Variants in MED13 observed in about 807,000 individuals in gnomAD.
The protein encoded by MED13 is mediator of RNA polymerase II transcription subunit 13.
In MED13, 23 loss-of-function variants were observed where a neutral mutation model predicts 225.2. The ratio of observed to expected loss-of-function variants is 0.10; its 90% CI spans 0.07 to 0.14. The LOEUF is 0.14. Ranked by LOEUF, MED13 falls within the 10% of genes least tolerant of loss-of-function variation. The pLI is 1.00. For synonymous variants in MED13, 942 were observed against 889.2 expected (o/e 1.06, Z -1.06); for missense variants, 2,197 against 2,594.5 (o/e 0.85, Z 3.33).
chr17:61,963,406 C>T (rs2080024309), intron 20 of MED13, among the ~76,000 whole-genome samples: 1 of 151,858 alleles, frequency 6.6e-6, no homozygotes, highest in East Asian at 1.9e-4. Context: ...CAGAAAGAAA[C>T]CACGTTTCCA....
intron 2 of MED13, among the ~76,000 whole-genome samples, chr17:62,059,451 C>T (rs2081020993): frequency 6.6e-6 from 1 of 152,184 alleles, no homozygotes; most frequent in Admixed American, 6.5e-5. Context: ...GTGTGCTGAA[C>T]CAAACAGAAG....
intron 8 of MED13, among the ~76,000 whole-genome samples, chr17:62,019,609 A>G (rs900486191): frequency 6.6e-6 from 1 of 152,360 alleles, no homozygotes; most frequent in Admixed American, 6.5e-5. Flanking sequence ...TAAGAGTAAG[A>G]AACTATTAAC....
intron 2 of MED13, among the ~76,000 whole-genome samples, chr17:62,057,735 T>C (rs940319414): frequency 6.6e-6 from 1 of 152,226 alleles, no homozygotes; most frequent in Non-Finnish European, 1.5e-5. Context: ...GATAAAATTC[T>C]GGTATAATAA....
chr17:61,964,992 A>G lies in MED13; in HGVS notation c.4844+14T>C, dbSNP rs142652268. On this transcript the variant is annotated intron_variant, in intron 20 of 29. Coordinates refer to ENST00000397786, the MANE Select transcript of MED13 (RefSeq NM_005121.3). ...TTTTTATATTTCTGCAAAAATCAGT[A>G]TTTTTAAAGGTACCTTTCAGACACA... The G allele has an allele frequency of 6.5e-4, 1,030 of 1,595,082 alleles. No individual in the cohort carries two copies. The highest frequency in any genetic ancestry group is 7.8e-4 in the Non-Finnish European group (910 of 1,172,288).
rs1429848118 is a variant in MED13, at chr17:62,058,334, C to T, written c.301+4733G>A. 2.0e-5 allele frequency among the ~76,000 whole-genome samples: 3 copies of T among 151,876 alleles called. No homozygotes were observed. In the East Asian group the frequency reaches 5.8e-4, roughly 29 times the overall value. Reference sequence around the variant, plus strand: ...TTCCAGACCAGCCTGGCCAACATGGCGAAACTCCTATTAAAATCTCTACCA... The same window carrying T: ...TTCCAGACCAGCCTGGCCAACATGGTGAAACTCCTATTAAAATCTCTACCA... On this transcript the variant is annotated intron_variant, in intron 2 of 29. Transcript: ENST00000397786.
Position 61,958,621 on chromosome 17 carries a change from G to A in MED13, c.5481-2140C>T, listed in dbSNP as rs1298955007. On this transcript the variant is annotated intron_variant, in intron 23 of 29. Coordinates refer to ENST00000397786, the MANE Select transcript of MED13 (RefSeq NM_005121.3). ...CAAAGTGCTGGGATTACAGGCGTGA[G>A]CCACCATGCGAGGCCTAATTTTTGT... 2.0e-5 allele frequency among the ~76,000 whole-genome samples: 3 copies of A among 152,264 alleles called. No individual in the cohort carries two copies. The East Asian group carries it at 5.8e-4, about 29-fold the overall frequency.
intron 2 of MED13, among the ~76,000 whole-genome samples, chr17:62,055,304 C>T (rs1362170026): frequency 6.6e-6 from 1 of 151,902 alleles, no homozygotes; most frequent in Non-Finnish European, 1.5e-5. Flanking sequence ...GCATGAGAAT[C>T]ACCTGAGCCC....
Position 62,063,212 on chromosome 17 carries a change from G to A in MED13, c.156C>T (p.Pro52=), listed in dbSNP as rs751796433. The change falls in exon 2 of 30, where the codon CCC becomes CCT. Residue 52 remains proline (P), a synonymous_variant. Coordinates refer to ENST00000397786, the MANE Select transcript of MED13 (RefSeq NM_005121.3). The stretch of plus-strand genomic sequence containing the variant: ...GGCAGCGACTAAAACTGCTCAAAAT[G>A]GGGTCTTCTTCTGTCACAGGAAACA... The part of the protein sequence containing the change: ...PILFPVTEED[P]ILSSFSRCLK... 1 of 1,614,122 alleles carries A rather than the reference G, an allele frequency of 6.2e-7. No homozygotes were observed. The highest frequency in any genetic ancestry group is 1.1e-5 in the South Asian group (1 of 91,084).
At chr17:62,050,778 T>C (rs1228576222) in intron 3 of MED13, among the ~76,000 whole-genome samples, 1 of 151,892 alleles carries the variant, frequency 6.6e-6, no homozygotes, top group East Asian at 1.9e-4. Context: ...CCGAGGCGGG[T>C]GGATTGCCTG....
rs748131622 is a variant in MED13 at position 61,956,294 on chromosome 17, T to A, written c.5623+45A>T. The A allele has an allele frequency of 1.9e-6, 3 of 1,567,608 alleles. No individual in the cohort carries two copies. In the East Asian group the frequency reaches 6.7e-5, roughly 35 times the overall value. Reference sequence around the variant, plus strand: ...GACGTGGTCAGAACTGTGTGTGAATTTACATAAAACGGAAATATAAATACT... The same window carrying A: ...GACGTGGTCAGAACTGTGTGTGAATATACATAAAACGGAAATATAAATACT... On this transcript the variant is annotated intron_variant, in intron 24 of 29. Transcript: ENST00000397786.
At chr17:61,988,051 CTA>C (rs1204813838) in intron 11 of MED13, among the ~76,000 whole-genome samples, 2 of 151,940 alleles carry the variant, frequency 1.3e-5, no homozygotes, top group East Asian at 3.9e-4. Flanking sequence ...CTGTATTTTT[CTA>C]TCTTTCTGAA....
intron 2 of MED13, among the ~76,000 whole-genome samples, chr17:62,062,618 AC>A (rs2081049871): frequency 6.6e-6 from 1 of 151,204 alleles, no homozygotes; most frequent in African/African-American, 2.4e-5. Context: ...ACACACACAC[AC>A]ACACACACGG....
chr17:62,000,662 T>C (rs538891665), intron 9 of MED13, among the ~76,000 whole-genome samples: 35 of 152,370 alleles, frequency 2.3e-4, no homozygotes, highest in South Asian at 1.0e-3. Context: ...CCTATACAGA[T>C]TTCCTTTGCT....
intron 17 of MED13, among the ~76,000 whole-genome samples, chr17:61,970,766 T>C (rs1332205078): frequency 6.7e-6 from 1 of 149,122 alleles, no homozygotes; most frequent in Non-Finnish European, 1.5e-5. Flanking sequence ...TCTGGGTGCT[T>C]ATAATCCTAG....
chr17:61,961,181 G>A lies in MED13; in HGVS notation c.5257-91C>T, dbSNP rs190299095. On this transcript the variant is annotated intron_variant, in intron 22 of 29. Coordinates refer to ENST00000397786, the MANE Select transcript of MED13 (RefSeq NM_005121.3). Reference sequence around the variant, plus strand: ...GTAATTCTTATCTACCCAATTATAAGATAATTGGAAAATGACAGCTAAGCC... The same window carrying A: ...GTAATTCTTATCTACCCAATTATAAAATAATTGGAAAATGACAGCTAAGCC... The A allele has an allele frequency of 5.8e-5, 66 of 1,130,870 alleles. No homozygotes were observed. In the East Asian group the frequency reaches 1.6e-3, roughly 27 times the overall value. The allele number at this position is 1,130,870 out of a possible 1,614,324, so 70.1% of individuals were successfully genotyped here. A position where few individuals can be genotyped will look rare whatever the true frequency, so the allele number is the denominator to read the frequency against.
Position 62,017,546 on chromosome 17 carries a change from T to C in MED13, c.1284-6313A>G, listed in dbSNP as rs115124435. Among the ~76,000 whole-genome samples, 1,004 of 152,334 alleles carry C rather than the reference T, an allele frequency of 6.6e-3. 11 individuals carry two copies. Among genetic ancestry groups the C allele is most frequent in the African/African-American group, 0.023 (951 of 41,586 alleles). ...CTACAGGGGTTCAAAACTATTTTCA[T>C]AATAGCATCAAAACAGTATCTGACT... On this transcript the variant is annotated intron_variant, in intron 8 of 29. Transcript: ENST00000397786.
Position 61,952,983 on chromosome 17 carries a change from A to C in MED13, c.6099T>G (p.His2033Gln). Residue 2033 changes from histidine (H) to glutamine (Q), a missense_variant, in exon 27 of 30, where the codon CAT (histidine) becomes CAG (glutamine). Physicochemically the swap from His to Gln is conservative, Grantham distance 24. Transcript: ENST00000397786. ...PVHSPGSHYP[H>Q]GGDAGKGQST... The stretch of plus-strand genomic sequence containing the variant: ...CAGTTACCTTGCCCGCATCACCTCC[A>C]TGGGGGTAATGAGATCCTGGAGAAT... 1 of 1,613,800 alleles carries C rather than the reference A, an allele frequency of 6.2e-7. No individual in the cohort carries two copies.
chr17:61,949,183 T>C (rs1415276128), intron 28 of MED13, among the ~76,000 whole-genome samples: 1 of 152,142 alleles, frequency 6.6e-6, no homozygotes, highest in Admixed American at 6.6e-5. Context: ...CTTTTATATC[T>C]CATTTTGTGA....
At chr17:61,979,598 T>C (rs2080186085) in intron 16 of MED13, among the ~76,000 whole-genome samples, 1 of 152,084 alleles carries the variant, frequency 6.6e-6, no homozygotes, top group African/African-American at 2.4e-5. Flanking sequence ...ATAAGCCATA[T>C]CTGTCAATTA....
Sources: allele counts gnomAD v4.1 joint callset (sites outside exome capture counted in the v4.1 genomes callset), GRCh38; gene constraint gnomAD v4.1.1; transcripts MANE v1.5; gene names NCBI Gene and HGNC (gene_info 2026-07-23, HGNC 2026-07-21).